Variants in CMC1 observed in about 807,000 individuals in gnomAD.
CMC1 encodes the protein C-X9-C motif containing 1.
In CMC1, 14 loss-of-function variants were observed where a neutral mutation model predicts 14.1. That is an observed-to-expected ratio of 0.99 (90% CI 0.66 to 1.55). CMC1 has a LOEUF of 1.55. CMC1 is among the 40% of genes most tolerant of loss of function. The pLI, the probability that CMC1 is intolerant of heterozygous loss-of-function variation, is 0.00. For missense variants in CMC1, 127 were observed against 123.8 expected, an observed-to-expected ratio of 1.03 and a Z score of -0.12; for synonymous variants, 50 against 38.4, an observed-to-expected ratio of 1.30 and a Z score of -1.12.
intron 1 of CMC1, among the ~76,000 whole-genome samples, chr3:28,261,996 T>G (rs1699760719): frequency 6.6e-6 from 1 of 152,186 alleles, no homozygotes; most frequent in Non-Finnish European, 1.5e-5. Flanking sequence ...TCTGTAGGGT[T>G]TGAAGGTGGT....
At chr3:28,305,946 C>T (rs1045077519) in intron 2 of CMC1, among the ~76,000 whole-genome samples, 4 of 151,696 alleles carry the variant, frequency 2.6e-5, no homozygotes, top group Admixed American at 6.6e-5. Flanking sequence ...ATAAAGTATC[C>T]TCTCCCCAGT....
At chr3:28,266,066 G>A (rs1699989051) in intron 2 of CMC1, among the ~76,000 whole-genome samples, 1 of 152,068 alleles carries the variant, frequency 6.6e-6, no homozygotes, top group African/African-American at 2.4e-5. Context: ...TTTCAGCCAG[G>A]TTGCTATATT....
At chr3:28,247,328 A>G (rs916892256) in intron 1 of CMC1, among the ~76,000 whole-genome samples, 1 of 152,158 alleles carries the variant, frequency 6.6e-6, no homozygotes, top group African/African-American at 2.4e-5. Context: ...AAAGAAAAAA[A>G]AAACCCTTAA....
rs555522397 is a variant in CMC1 at position 28,252,563 on chromosome 3, AT to A, written c.20-10727del. Among the ~76,000 whole-genome samples, 9 of 152,318 alleles carry A rather than the reference AT, an allele frequency of 5.9e-5. No homozygotes were observed. In the South Asian group the frequency reaches 1.9e-3, roughly 32 times the overall value. ...GAATTCCCTTTGATTTTACTTTCTG[AT>A]AAAAAATTGAGAACTGAATTTTCAA... is the stretch of plus-strand genomic sequence containing the variant. On this transcript the variant is annotated intron_variant, in intron 1 of 3. Coordinates refer to ENST00000466830, the MANE Select transcript of CMC1 (RefSeq NM_182523.2).
intron 1 of CMC1, among the ~76,000 whole-genome samples, chr3:28,252,038 A>G (rs1352397812): frequency 1.3e-5 from 2 of 152,232 alleles, no homozygotes; most frequent in East Asian, 3.8e-4. Flanking sequence ...TATGGCCACA[A>G]TGGCGGTTGT....
chr3:28,302,979 G>A (rs1278496819), intron 2 of CMC1, among the ~76,000 whole-genome samples: 1 of 152,186 alleles, frequency 6.6e-6, no homozygotes, highest in African/African-American at 2.4e-5. Flanking sequence ...CGTTTCTGAA[G>A]TTAAAAGACC....
chr3:28,291,635 T>G (rs1414200933), intron 2 of CMC1, among the ~76,000 whole-genome samples: 2 of 152,168 alleles, frequency 1.3e-5, no homozygotes, highest in African/African-American at 4.8e-5. Flanking sequence ...TCCTTAGGCA[T>G]GTTTGCAGAG....
chr3:28,286,034 G>A (rs1205590112), intron 2 of CMC1, among the ~76,000 whole-genome samples: 10 of 151,884 alleles, frequency 6.6e-5, no homozygotes, highest in Admixed American at 5.9e-4. Flanking sequence ...CAAAGTGCTG[G>A]GATTACAGGC....
intron 2 of CMC1, among the ~76,000 whole-genome samples, chr3:28,274,214 T>TTTTG (rs1553615926): frequency 2.4e-5 from 3 of 122,574 alleles, no homozygotes; most frequent in African/African-American, 6.5e-5. Flanking sequence ...GTGTTTTTGT[T>TTTTG]TTTTTCTTTT....
In CMC1 at chr3:28,241,919, G is replaced by A. The variant is rs1055802702; in HGVS notation, c.19+107G>A. ...TGGGAAAGGTGCAGAGCTCTGGGTA[G>A]CATTGCTTCCACCAGCGTCTCCTCA... On this transcript the variant is annotated intron_variant, in intron 1 of 3. Coordinates refer to ENST00000466830, the MANE Select transcript of CMC1 (RefSeq NM_182523.2). 21 of 1,124,156 alleles carry A rather than the reference G, an allele frequency of 1.9e-5. No individual in the cohort carries two copies. The African/African-American group carries it at 3.4e-4, about 18-fold the overall frequency. 69.6% of individuals were successfully genotyped at this position (1,124,156 alleles called of 1,614,324 possible).
At chr3:28,247,438 A>C (rs1472711776) in intron 1 of CMC1, among the ~76,000 whole-genome samples, 1 of 152,142 alleles carries the variant, frequency 6.6e-6, no homozygotes, top group African/African-American at 2.4e-5. Context: ...TGGTACATAC[A>C]GTTTATTGTG....
At chr3:28,288,574 A>C (rs1701316322) in intron 2 of CMC1, among the ~76,000 whole-genome samples, 1 of 152,028 alleles carries the variant, frequency 6.6e-6, no homozygotes, top group Admixed American at 6.6e-5. Context: ...GTTACTATTG[A>C]AGGTAAATGT....
chr3:28,318,717 T>A, intron 3 of CMC1: 1 of 152,904 alleles, frequency 6.5e-6, no homozygotes, highest in East Asian at 1.9e-4. Context: ...CATCTCTTCC[T>A]TTTCATTCCT....
chr3:28,321,410 A>G lies in CMC1; in HGVS notation c.*1781A>G, dbSNP rs1288770011. Reference sequence around the variant, plus strand: ...CTTATGTACATGTTGCTTTCCCCATAGAAGCCAGATTAGATTACACAGTAT... The same window carrying G: ...CTTATGTACATGTTGCTTTCCCCATGGAAGCCAGATTAGATTACACAGTAT... On this transcript the variant is annotated 3_prime_UTR_variant, in exon 4 of 4. Coordinates refer to ENST00000466830, the MANE Select transcript of CMC1 (RefSeq NM_182523.2). 1 of 151,460 alleles carries G rather than the reference A, an allele frequency of 6.6e-6. No homozygotes were observed. Among genetic ancestry groups the G allele is most frequent in the African/African-American group, 2.4e-5 (1 of 41,354 alleles). 9.4% of individuals were successfully genotyped at this position (151,460 alleles called of 1,614,324 possible).
intron 2 of CMC1, among the ~76,000 whole-genome samples, chr3:28,304,271 AATGAG>A (rs1188563498): frequency 6.6e-6 from 1 of 152,104 alleles, no homozygotes; most frequent in East Asian, 1.9e-4. Flanking sequence ...AAAAATTTTT[AATGAG>A]ATATTTTATA....
intron 2 of CMC1, among the ~76,000 whole-genome samples, chr3:28,279,282 G>C (rs1047167895): frequency 6.6e-5 from 10 of 152,174 alleles, no homozygotes; most frequent in African/African-American, 2.2e-4. Context: ...GTTTGGTGTA[G>C]CTGCAGGCCT....
chr3:28,277,296 A>G (rs1700631467), intron 2 of CMC1, among the ~76,000 whole-genome samples: 1 of 152,208 alleles, frequency 6.6e-6, no homozygotes, highest in Non-Finnish European at 1.5e-5. Context: ...GTTTGCATAT[A>G]TTTTAGTGTT....
rs1374125354 is a variant in CMC1, at chr3:28,321,652, C to G, written c.*2023C>G. 2 of 151,298 alleles carry G rather than the reference C, an allele frequency of 1.3e-5. No homozygotes were observed. 9.4% of individuals were successfully genotyped at this position (151,298 alleles called of 1,614,324 possible). A position where few individuals can be genotyped will look rare whatever the true frequency, so the allele number is the denominator to read the frequency against. ...TTAAGATACACCTTCTCCAAGTAGCCTTTCTGAATTAAGATCAGTACTTTG... is the reference window on the plus strand; with the variant it reads ...TTAAGATACACCTTCTCCAAGTAGCGTTTCTGAATTAAGATCAGTACTTTG... On this transcript the variant is annotated 3_prime_UTR_variant, in exon 4 of 4. Coordinates refer to ENST00000466830, the MANE Select transcript of CMC1 (RefSeq NM_182523.2).
chr3:28,300,714 C>A (rs1235901167), intron 2 of CMC1, among the ~76,000 whole-genome samples: 1 of 116,168 alleles, frequency 8.6e-6, no homozygotes, highest in Non-Finnish European at 1.9e-5. Context: ...TCTCACCCTC[C>A]CTCCTTCCTC....
Sources: allele counts gnomAD v4.1 joint callset (sites outside exome capture counted in the v4.1 genomes callset), GRCh38; gene constraint gnomAD v4.1.1; transcripts MANE v1.5; gene names NCBI Gene and HGNC (gene_info 2026-07-23, HGNC 2026-07-21).